MARCHF1: variants seen among roughly 807,000 people sequenced by gnomAD.
The protein encoded by MARCHF1 is E3 ubiquitin-protein ligase MARCHF1.
A neutral mutation model predicts 54.2 loss-of-function variants in MARCHF1; 40 were observed. The ratio of observed to expected loss-of-function variants is 0.74; its 90% confidence interval spans 0.57 to 0.96. The LOEUF (loss-of-function observed/expected upper bound fraction) is 0.96, where lower values mean the gene tolerates loss of function less well. Ranked by LOEUF, MARCHF1 falls within the 40% of genes least tolerant of loss-of-function variation. The pLI, the probability that MARCHF1 is intolerant of heterozygous loss-of-function variation, is 0.00. For missense variants in MARCHF1, 586 were observed against 656.5 expected, an observed-to-expected ratio of 0.89 and a Z score of 1.17; for synonymous variants, 236 against 236.3, an observed-to-expected ratio of 1.00 and a Z score of 0.01.
chr4:164,187,765 G>C (rs779189220), intron 1 of MARCHF1, among the ~76,000 whole-genome samples: 6 of 152,048 alleles, frequency 3.9e-5, no homozygotes, highest in Non-Finnish European at 7.4e-5. Context: ...CTTTAAAAGT[G>C]ACTAGTCACA....
chr4:164,338,911 G>A (rs1729835614), intron 1 of MARCHF1, among the ~76,000 whole-genome samples: 1 of 152,132 alleles, frequency 6.6e-6, no homozygotes, highest in African/African-American at 2.4e-5. Flanking sequence ...GGCGGAGATT[G>A]CAGTGAGCCA....
intron 3 of MARCHF1, among the ~76,000 whole-genome samples, chr4:163,934,576 TAAAAAAAAAAAAAAA>T (rs551026107): frequency 9.0e-5 from 7 of 77,878 alleles, no homozygotes; most frequent in African/African-American, 3.4e-4. Flanking sequence ...TCTTTTTAAG[TAAAAAAAAAAAAAAA>T]AAAAAAAAAA....
At chr4:163,921,439 A>G (rs1751428350) in intron 3 of MARCHF1, among the ~76,000 whole-genome samples, 1 of 152,158 alleles carries the variant, frequency 6.6e-6, no homozygotes, top group Non-Finnish European at 1.5e-5. Context: ...CTTTAATCCA[A>G]TGGTAATGTG....
At chr4:164,035,683 A>C (rs1753978770) in intron 2 of MARCHF1, among the ~76,000 whole-genome samples, 1 of 151,848 alleles carries the variant, frequency 6.6e-6, no homozygotes. Flanking sequence ...ACAGACAAAA[A>C]AAATAAATGT....
intron 2 of MARCHF1, among the ~76,000 whole-genome samples, chr4:164,074,480 A>ATCCTCGGGAAATTTT (rs1754934234): frequency 6.6e-6 from 1 of 152,230 alleles, no homozygotes; most frequent in Admixed American, 6.5e-5. Context: ...CGGGAAATTT[A>ATCCTCGGGAAATTTT]TCCTCAGGAA....
chr4:163,536,261 AT>A (rs1335820049), intron 9 of MARCHF1, among the ~76,000 whole-genome samples: 2 of 152,282 alleles, frequency 1.3e-5, no homozygotes, highest in African/African-American at 4.8e-5. Context: ...GGAAATTCTC[AT>A]GGACTACATC....
chr4:163,613,586 C>A, intron 5 of MARCHF1, 193 bp from the exon 6 acceptor site: 1 of 1,486,366 alleles, frequency 6.7e-7, no homozygotes, highest in Non-Finnish European at 8.9e-7. Context: ...GAACCTGGAA[C>A]AGCTGAGATG....
chr4:164,050,860 G>A (rs765450609), intron 2 of MARCHF1, among the ~76,000 whole-genome samples: 1 of 152,112 alleles, frequency 6.6e-6, no homozygotes, highest in Admixed American at 6.5e-5. Flanking sequence ...TTGAACCCAG[G>A]AGGCGGAGGT....
chr4:164,350,437 G>T (rs1052083033), intron 1 of MARCHF1, among the ~76,000 whole-genome samples: 1 of 152,108 alleles, frequency 6.6e-6, no homozygotes, highest in East Asian at 1.9e-4. Flanking sequence ...AGTGTTCTAT[G>T]ACACCATAGG....
At chr4:163,939,399 T>C (rs994091491) in intron 3 of MARCHF1, among the ~76,000 whole-genome samples, 3 of 152,158 alleles carry the variant, frequency 2.0e-5, no homozygotes, top group Admixed American at 1.3e-4. Context: ...AATCCAATTG[T>C]GCATGTTAGC....
intron 5 of MARCHF1, among the ~76,000 whole-genome samples, chr4:163,613,944 T>C (rs1379481998): frequency 1.3e-5 from 2 of 152,154 alleles, no homozygotes; most frequent in African/African-American, 2.4e-5. Flanking sequence ...GCAACACTAT[T>C]GGCCTTTCAT....
intron 1 of MARCHF1, among the ~76,000 whole-genome samples, chr4:164,141,399 A>G (rs1756530645): frequency 1.3e-5 from 2 of 152,216 alleles, no homozygotes; most frequent in South Asian, 4.1e-4. Context: ...ACAACTACTT[A>G]CAAAGAAGAG....
At chr4:164,151,402 AG>A (rs1729933510) in intron 1 of MARCHF1, among the ~76,000 whole-genome samples, 1 of 152,204 alleles carries the variant, frequency 6.6e-6, no homozygotes, top group African/African-American at 2.4e-5. Context: ...GTTCTCAGAC[AG>A]AACTTTATTC....
At chr4:163,894,136 A>G (rs1487042923) in intron 3 of MARCHF1, among the ~76,000 whole-genome samples, 2 of 152,136 alleles carry the variant, frequency 1.3e-5, no homozygotes, top group Non-Finnish European at 2.9e-5. Flanking sequence ...GGACAGAGTA[A>G]TATTATTTCG....
At chr4:163,588,181 C>T (rs1316757446) in intron 7 of MARCHF1, among the ~76,000 whole-genome samples, 1 of 152,172 alleles carries the variant, frequency 6.6e-6, no homozygotes, top group Non-Finnish European at 1.5e-5. Flanking sequence ...ATGTCCCCTT[C>T]CCCCTGAACT....
At chr4:163,658,000 A>G (rs12643107) in intron 5 of MARCHF1, among the ~76,000 whole-genome samples, 51,078 of 151,764 alleles carry the variant, frequency 0.34, 9,647 homozygotes, top group African/African-American at 0.5. Context: ...ACATAGGCAC[A>G]GGCAAACATT....
chr4:164,366,761 A>G (rs1038241999), intron 1 of MARCHF1, among the ~76,000 whole-genome samples: 37 of 151,950 alleles, frequency 2.4e-4, no homozygotes, highest in African/African-American at 7.7e-4. Flanking sequence ...TTATACCATT[A>G]TATCTTCTTA....
Position 163,740,421 on chromosome 4 carries a change from A to G in MARCHF1, c.112-39558T>C, listed in dbSNP as rs568573216. ...AGGACACAAGAATCATGGGTCAGAG[A>G]TAAGGTCAGTTTATTACTTATAGCA... On this transcript the variant is annotated intron_variant, in intron 4 of 9. Transcript: ENST00000514618. Among the ~76,000 whole-genome samples the G allele has an allele frequency of 5.7e-4, 87 of 152,328 alleles. 2 individuals carry two copies. The highest frequency in any genetic ancestry group is 1.9e-3 in the African/African-American group (80 of 41,582).
intron 4 of MARCHF1, among the ~76,000 whole-genome samples, chr4:163,784,290 C>CA (rs1747552515): frequency 6.6e-6 from 1 of 151,924 alleles, no homozygotes; most frequent in African/African-American, 2.4e-5. Context: ...TAGAAGAAGT[C>CA]AAAAAGGACA....
Sources: gnomAD v4.1 joint callset for allele counts (sites outside exome capture counted in the v4.1 genomes callset) on GRCh38, gnomAD v4.1.1 for gene constraint, MANE v1.5 for transcripts, NCBI Gene and HGNC (gene_info 2026-07-23, HGNC 2026-07-21) for gene names.